Variants in NARS2 observed in about 807,000 individuals in gnomAD.
The protein encoded by NARS2 is asparaginyl-tRNA synthetase 2, mitochondrial, also known as asparaginyl-tRNA synthetase.
Under a neutral mutation model 62.9 loss-of-function variants are expected in NARS2, and 60 were observed. The ratio of observed to expected loss-of-function variants is 0.95; its 90% confidence interval spans 0.77 to 1.18. The LOEUF is 1.18. Among genes scored for constraint, NARS2 ranks in the 50% most tolerant of loss-of-function variants. The pLI is 0.00. For synonymous variants in NARS2, 196 were observed against 200.0 expected, an observed-to-expected ratio of 0.98 and a Z score of 0.17; for missense variants, 619 against 576.4, an observed-to-expected ratio of 1.07 and a Z score of -0.76.
rs1236527776 is a variant in NARS2, at chr11:78,478,686, A to G, written c.823-3T>C. The G allele has an allele frequency of 2.5e-6, 4 of 1,583,192 alleles. No homozygotes were observed. The highest frequency in any genetic ancestry group is 3.5e-6 in the Non-Finnish European group (4 of 1,158,768). The stretch of plus-strand genomic sequence containing the variant: ...GCCTTGAACAGTTCCTCTATAACCT[A>G]AGAGAAATGAAATAGAATCACCTGA... On this transcript the variant is annotated splice_region_variant and splice_polypyrimidine_tract_variant and intron_variant, in intron 7 of 13. Transcript: ENST00000281038.
intron 6 of NARS2, among the ~76,000 whole-genome samples, chr11:78,519,740 G>A (rs539846308): frequency 1.3e-5 from 2 of 148,838 alleles, no homozygotes; most frequent in Non-Finnish European, 3.0e-5. Flanking sequence ...CACTCTTGTC[G>A]CCCATGCTGG....
intron 9 of NARS2, among the ~76,000 whole-genome samples, chr11:78,470,195 A>G (rs377099783): frequency 6.6e-6 from 1 of 152,236 alleles, no homozygotes; most frequent in South Asian, 2.1e-4. Context: ...TCTAAGCATT[A>G]TAAGACTATG....
At chr11:78,536,021 GAAT>G (rs773544689) in intron 5 of NARS2, among the ~76,000 whole-genome samples, 2 of 152,054 alleles carry the variant, frequency 1.3e-5, no homozygotes, top group Non-Finnish European at 2.9e-5. Flanking sequence ...TCTATATGAT[GAAT>G]AATACAGATA....
chr11:78,502,716 C>G (rs1198850337), intron 6 of NARS2, among the ~76,000 whole-genome samples: 3 of 152,098 alleles, frequency 2.0e-5, no homozygotes, highest in African/African-American at 7.2e-5. Context: ...TGAGGCCAGG[C>G]GCGGCGCCTC....
At chr11:78,452,688 C>A (rs1020273060) in intron 11 of NARS2, among the ~76,000 whole-genome samples, 2 of 152,138 alleles carry the variant, frequency 1.3e-5, no homozygotes, top group African/African-American at 4.8e-5. Flanking sequence ...GGATGACAGG[C>A]ATGAGTCACC....
chr11:78,439,565 G>C (rs17136602), intron 13 of NARS2, among the ~76,000 whole-genome samples: 7,055 of 152,126 alleles, frequency 0.046, 525 homozygotes, highest in African/African-American at 0.16. Context: ...CTCTGTGAAG[G>C]AGATAGTATC....
chr11:78,497,300 T>A, intron 6 of NARS2, among the ~76,000 whole-genome samples: 1 of 151,836 alleles, frequency 6.6e-6, no homozygotes, highest in East Asian at 1.9e-4. Context: ...TATGGAGTTT[T>A]ATGAAGCCCT....
At chr11:78,568,576 G>A in intron 3 of NARS2, 56 bp downstream of exon 3, 1 of 1,563,200 alleles carries the variant, frequency 6.4e-7, no homozygotes, top group Admixed American at 1.9e-5. Context: ...ACTTAAAACA[G>A]ATTGCTGTCT....
At chr11:78,535,787 T>C (rs1177706028) in intron 5 of NARS2, among the ~76,000 whole-genome samples, 1 of 152,058 alleles carries the variant, frequency 6.6e-6, no homozygotes, top group Non-Finnish European at 1.5e-5. Flanking sequence ...CTTGCTAATT[T>C]TGTATTTTTA....
intron 5 of NARS2, among the ~76,000 whole-genome samples, chr11:78,543,190 T>A (rs1855698938): frequency 6.6e-6 from 1 of 152,110 alleles, no homozygotes; most frequent in Non-Finnish European, 1.5e-5. Context: ...AAAAAAAGAA[T>A]AAGCCATTAT....
intron 11 of NARS2, among the ~76,000 whole-genome samples, chr11:78,454,827 C>G (rs535731458): frequency 6.6e-6 from 1 of 152,206 alleles, no homozygotes; most frequent in African/African-American, 2.4e-5. Flanking sequence ...CCATGTTGGC[C>G]AGGCTGGTCT....
At chr11:78,485,110 T>C (rs1174183368) in intron 7 of NARS2, among the ~76,000 whole-genome samples, 5 of 152,150 alleles carry the variant, frequency 3.3e-5, no homozygotes, top group Admixed American at 2.6e-4. Flanking sequence ...CTGGAAGCCA[T>C]CATTCTAGGC....
intron 5 of NARS2, among the ~76,000 whole-genome samples, chr11:78,542,711 C>T (rs546036441): frequency 6.6e-6 from 1 of 152,266 alleles, no homozygotes; most frequent in South Asian, 2.1e-4. Context: ...TCAAGACCAG[C>T]CTGAGCAACA....
At chr11:78,509,496 GCT>G (rs1386820512) in intron 6 of NARS2, among the ~76,000 whole-genome samples, 2 of 151,776 alleles carry the variant, frequency 1.3e-5, no homozygotes, top group East Asian at 1.9e-4. Context: ...GTATATAACT[GCT>G]CTGTTTGTTT....
chr11:78,438,639 T>G (rs1017881642), intron 13 of NARS2, among the ~76,000 whole-genome samples: 1 of 152,218 alleles, frequency 6.6e-6, no homozygotes, highest in Non-Finnish European at 1.5e-5. Flanking sequence ...AGAAAAAAAT[T>G]TTCTAATGTA....
chr11:78,504,067 C>A (rs1315794716), intron 6 of NARS2, among the ~76,000 whole-genome samples: 1 of 152,212 alleles, frequency 6.6e-6, no homozygotes, highest in Non-Finnish European at 1.5e-5. Context: ...ATCATCAAAT[C>A]ATACATATAT....
At position 78,436,487 on chromosome 11, in the gene NARS2, G is replaced by T; in HGVS notation, c.*183C>A. ...TCTTCTTGCGGGAGCTCATCCTTAC[G>T]TGAAATACCCTCAACTTTCTAAGAA... On this transcript the variant is annotated 3_prime_UTR_variant, in exon 14 of 14. Coordinates refer to ENST00000281038, the MANE Select transcript of NARS2 (RefSeq NM_024678.6). 1 of 721,264 alleles carries T rather than the reference G, an allele frequency of 1.4e-6. No homozygotes were observed. Among genetic ancestry groups the T allele is most frequent in the Non-Finnish European group, 2.2e-6 (1 of 444,478 alleles). The allele number at this position is 721,264 out of a possible 1,614,324, so 44.7% of individuals were successfully genotyped here.
chr11:78,520,965 G>A (rs1325201495), intron 6 of NARS2, among the ~76,000 whole-genome samples: 1 of 151,486 alleles, frequency 6.6e-6, no homozygotes, highest in African/African-American at 2.4e-5. Flanking sequence ...GGCTGAGGCA[G>A]GAAAATCGCT....
Position 78,459,830 on chromosome 11 carries a change from A to C in NARS2, c.1164+6046T>G, listed in dbSNP as rs151288077. Among the ~76,000 whole-genome samples, 567 of 152,308 alleles carry C rather than the reference A, an allele frequency of 3.7e-3. 3 individuals are homozygous for C. Among genetic ancestry groups the C allele is most frequent in the African/African-American group, 0.013 (551 of 41,556 alleles). On this transcript the variant is annotated intron_variant, in intron 11 of 13. Transcript: ENST00000281038. ...ATTAATTAAATAGTCATGCACATAGATGTAAAATTACAACTGTTAAAGGTT... is the reference window on the plus strand; with the variant it reads ...ATTAATTAAATAGTCATGCACATAGCTGTAAAATTACAACTGTTAAAGGTT...
Sources: allele counts gnomAD v4.1 joint callset (sites outside exome capture counted in the v4.1 genomes callset), GRCh38; gene constraint gnomAD v4.1.1; transcripts MANE v1.5; gene names NCBI Gene and HGNC (gene_info 2026-07-23, HGNC 2026-07-21).